Variants in PHACTR1 observed in about 807,000 individuals in gnomAD.
PHACTR1 encodes the protein RPEL repeat containing 1.
Under a neutral mutation model 69.2 loss-of-function variants are expected in PHACTR1, and 16 were observed. That is an observed-to-expected ratio of 0.23 (90% CI 0.16 to 0.35). The LOEUF is 0.35. Among genes scored for constraint, PHACTR1 ranks in the 10% least tolerant of loss-of-function variants. The pLI is 1.00. For missense variants in PHACTR1, 510 were observed against 734.7 expected, an observed-to-expected ratio of 0.69 and a Z score of 3.54; for synonymous variants, 312 against 284.5, an observed-to-expected ratio of 1.10 and a Z score of -0.97.
At chr6:13,135,154 C>T (rs1277192876) in intron 5 of PHACTR1, among the ~76,000 whole-genome samples, 1 of 152,212 alleles carries the variant, frequency 6.6e-6, no homozygotes, top group Non-Finnish European at 1.5e-5. Context: ...AAACCGTTTT[C>T]CTGAGGGCAG....
At chr6:12,734,298 T>G (rs1469850348) in intron 3 of PHACTR1, among the ~76,000 whole-genome samples, 1 of 152,214 alleles carries the variant, frequency 6.6e-6, no homozygotes, top group Non-Finnish European at 1.5e-5. Flanking sequence ...TTGGGAATTA[T>G]GCCAAGGTTT....
At chr6:12,849,390 G>T (rs62389889) in intron 4 of PHACTR1, among the ~76,000 whole-genome samples, 10,913 of 152,236 alleles carry the variant, frequency 0.072, 437 homozygotes, top group Middle Eastern at 0.11. Context: ...CCCTATGTCG[G>T]GGAATGTGAG....
intron 10 of PHACTR1, among the ~76,000 whole-genome samples, chr6:13,239,985 A>C (rs990193412): frequency 4.6e-5 from 7 of 152,142 alleles, no homozygotes; most frequent in South Asian, 2.1e-4. Context: ...TGTGGTGGAC[A>C]AAGAGCTGCC....
chr6:13,082,286 C>T (rs968310941), intron 5 of PHACTR1, among the ~76,000 whole-genome samples: 2 of 152,146 alleles, frequency 1.3e-5, no homozygotes, highest in African/African-American at 4.8e-5. Context: ...AAAGTCAACA[C>T]ACTGGAGATG....
At chr6:12,854,774 CAT>C (rs936878479) in intron 4 of PHACTR1, among the ~76,000 whole-genome samples, 14 of 152,136 alleles carry the variant, frequency 9.2e-5, no homozygotes, top group African/African-American at 3.1e-4. Context: ...GACCAAGAAA[CAT>C]ATGAAACAAT....
At chr6:13,039,001 A>G (rs1803771617) in intron 4 of PHACTR1, among the ~76,000 whole-genome samples, 1 of 152,202 alleles carries the variant, frequency 6.6e-6, no homozygotes, top group Non-Finnish European at 1.5e-5. Flanking sequence ...GGAACACTTT[A>G]GTTCATATCT....
intron 4 of PHACTR1, among the ~76,000 whole-genome samples, chr6:12,765,685 C>T (rs1214224342): frequency 6.6e-6 from 1 of 152,162 alleles, no homozygotes; most frequent in Non-Finnish European, 1.5e-5. Flanking sequence ...TCCACTCCTT[C>T]AGCCCCTGGA....
intron 4 of PHACTR1, among the ~76,000 whole-genome samples, chr6:12,923,109 C>T (rs1787894938): frequency 6.6e-6 from 1 of 152,084 alleles, no homozygotes; most frequent in African/African-American, 2.4e-5. Flanking sequence ...AAATCTATTG[C>T]CTGTGCAGCT....
rs182826894 is a variant in PHACTR1 at position 13,039,931 on chromosome 6, C to T, written c.251-13434C>T. ...AGCTTGACCCCAGAAACAGATGATGCTTTTGCATTAAATAATGACCTTTAA... is the reference window on the plus strand; with the variant it reads ...AGCTTGACCCCAGAAACAGATGATGTTTTTGCATTAAATAATGACCTTTAA... On this transcript the variant is annotated intron_variant, in intron 4 of 14. Transcript: ENST00000332995. Among the ~76,000 whole-genome samples, 4 of 152,268 alleles carry T rather than the reference C, an allele frequency of 2.6e-5. No homozygotes were observed. The East Asian group carries it at 7.7e-4, about 29-fold the overall frequency.
At chr6:12,943,982 T>A (rs963850019) in intron 4 of PHACTR1, among the ~76,000 whole-genome samples, 1 of 152,228 alleles carries the variant, frequency 6.6e-6, no homozygotes, top group Non-Finnish European at 1.5e-5. Context: ...CATATTTAGG[T>A]CTCAGGTCAT....
chr6:12,997,910 G>A (rs1010693436), intron 4 of PHACTR1, among the ~76,000 whole-genome samples: 2 of 152,170 alleles, frequency 1.3e-5, no homozygotes, highest in South Asian at 2.1e-4. Context: ...CCGAGATCAC[G>A]CCACTGCACT....
intron 4 of PHACTR1, among the ~76,000 whole-genome samples, chr6:12,828,207 C>A (rs920733498): frequency 6.6e-6 from 1 of 152,148 alleles, no homozygotes; most frequent in East Asian, 1.9e-4. Context: ...ATAAAATTCT[C>A]GGCTTAAAGT....
chr6:12,830,129 G>GAAAGA lies in PHACTR1; in HGVS notation c.250+80342_250+80346dup, dbSNP rs1554146478. Among the ~76,000 whole-genome samples, 614 of 136,676 alleles carry GAAAGA rather than the reference G, an allele frequency of 4.5e-3. 9 individuals carry two copies. Among genetic ancestry groups the GAAAGA allele is most frequent in the Middle Eastern group, 0.014 (4 of 276 alleles). The allele number at this position is 136,676 out of a possible 152,430, so 89.7% of individuals were successfully genotyped here. A position where few individuals can be genotyped will look rare whatever the true frequency, so the allele number is the denominator to read the frequency against. On this transcript the variant is annotated intron_variant, in intron 4 of 14. Transcript: ENST00000332995. ...AGAAAGAAAGAAAGAAAGAAAGAAA[G>GAAAGA]AAAGAAAGAAAGAAAGAAAGAAAGA...
At chr6:12,858,510 G>T (rs1042985970) in intron 4 of PHACTR1, among the ~76,000 whole-genome samples, 2 of 152,084 alleles carry the variant, frequency 1.3e-5, no homozygotes, top group African/African-American at 4.8e-5. Context: ...TCTAGCTATA[G>T]GTTGGGGTGC....
intron 5 of PHACTR1, among the ~76,000 whole-genome samples, chr6:13,066,465 T>C (rs552566943): frequency 1.2e-4 from 18 of 152,330 alleles, no homozygotes; most frequent in African/African-American, 4.3e-4. Context: ...ATGATTGTTT[T>C]CCAGTTTTTC....
intron 5 of PHACTR1, among the ~76,000 whole-genome samples, chr6:13,092,560 C>T (rs764424942): frequency 5.3e-5 from 8 of 152,194 alleles, no homozygotes; most frequent in South Asian, 2.1e-4. Context: ...TTACATTTTT[C>T]GTACACTTTA....
intron 4 of PHACTR1, among the ~76,000 whole-genome samples, chr6:13,042,561 G>T (rs1804354754): frequency 6.6e-6 from 1 of 152,138 alleles, no homozygotes; most frequent in Admixed American, 6.5e-5. Flanking sequence ...TTCTTAACAG[G>T]TACTTCAGTT....
intron 4 of PHACTR1, among the ~76,000 whole-genome samples, chr6:12,900,779 T>C (rs891161670): frequency 6.6e-6 from 1 of 152,222 alleles, no homozygotes; most frequent in African/African-American, 2.4e-5. Flanking sequence ...TTGCCTCATT[T>C]TTACTTTATC....
intron 8 of PHACTR1, among the ~76,000 whole-genome samples, chr6:13,224,521 CA>C (rs1344040085): frequency 6.6e-6 from 1 of 152,140 alleles, no homozygotes; most frequent in Admixed American, 6.5e-5. Context: ...CTACTGTTTG[CA>C]GGCTAATGGT....
Sources: allele counts gnomAD v4.1 joint callset (sites outside exome capture counted in the v4.1 genomes callset), GRCh38; gene constraint gnomAD v4.1.1; transcripts MANE v1.5; gene names NCBI Gene and HGNC (gene_info 2026-07-23, HGNC 2026-07-21).